The following CENPF variants were observed in gnomAD, a reference collection of about 807,000 sequenced individuals.
CENPF encodes the protein AH antigen.
Under a neutral mutation model 307.3 loss-of-function variants are expected in CENPF, and 214 were observed. The ratio of observed to expected loss-of-function variants is 0.70; its 90% CI spans 0.62 to 0.78. CENPF has a LOEUF of 0.78. Among genes scored for constraint, CENPF ranks in the 30% least tolerant of loss-of-function variants. The pLI is 0.00. For synonymous variants in CENPF, 1,259 were observed against 1,270.6 expected (o/e 0.99, Z 0.19); for missense variants, 3,401 against 3,483.9 (o/e 0.98, Z 0.60).
At chr1:214,603,524 GGTGTCT>G (rs1406855038) in intron 1 of CENPF, 20 of 152,244 alleles carry the variant, frequency 1.3e-4, no homozygotes, top group African/African-American at 4.6e-4. Flanking sequence ...GGTTCGTAGG[GGTGTCT>G]GCGCCCTTCT....
At chr1:214,607,957 G>A (rs1444197481) in intron 1 of CENPF, among the ~76,000 whole-genome samples, 4 of 152,164 alleles carry the variant, frequency 2.6e-5, no homozygotes, top group East Asian at 1.9e-4. Context: ...TGCCTCGGCC[G>A]ATGGGGCCCC....
chr1:214,620,137 C>G (rs1329901853), intron 5 of CENPF, among the ~76,000 whole-genome samples: 1 of 152,152 alleles, frequency 6.6e-6, no homozygotes, highest in Non-Finnish European at 1.5e-5. Context: ...ATAGAAAGAA[C>G]AATGCAAAGC....
intron 9 of CENPF, among the ~76,000 whole-genome samples, 155 bp from the exon 10 acceptor site, chr1:214,632,325 T>G (rs1657831039): frequency 6.6e-6 from 1 of 152,184 alleles, no homozygotes. Context: ...TTATGGTATT[T>G]TAAGACATAT....
chr1:214,630,694 T>A, intron 9 of CENPF, 32 bp downstream of exon 9: 1 of 1,611,814 alleles, frequency 6.2e-7, no homozygotes, highest in Non-Finnish European at 8.5e-7. Flanking sequence ...CTCTCCTTAA[T>A]CATCCCCTCT....
chr1:214,632,529 A>C lies in CENPF; in HGVS notation c.1373A>C (p.Gln458Pro), dbSNP rs754567683. The change falls in exon 10 of 20, where the codon CAA (glutamine) becomes CCA (proline). Residue 458 changes from glutamine (Q) to proline (P), a missense_variant. Physicochemically the swap from Gln to Pro is moderately conservative, Grantham distance 76. Transcript: ENST00000366955. ...GAAAACAATTTGGAAGAGTTTAAGC[A>C]AAAGTTGTGCAGAGCTGAACAGGCG... ...QLENNLEEFK[Q>P]KLCRAEQAFQ... 8.1e-6 allele frequency: 13 copies of C among 1,614,050 alleles called. No individual in the cohort carries two copies. The East Asian group carries it at 2.9e-4, about 36-fold the overall frequency.
rs1375984926 is a variant in CENPF at position 214,630,535 on chromosome 1, A to G, written c.1196A>G (p.Glu399Gly). The change falls in exon 9 of 20, where the codon GAG becomes GGG. Residue 399 changes from glutamate (E) to glycine (G), a missense_variant and splice_region_variant. Transcript: ENST00000366955. ...IKEKEKEFQE[E>G]LSRQQRSFQT... ...ATGCACCTGCCCTTTGTTTTTCAGGAGCTCTCCCGTCAACAGCGTTCTTTC... is the reference window on the plus strand; with the variant it reads ...ATGCACCTGCCCTTTGTTTTTCAGGGGCTCTCCCGTCAACAGCGTTCTTTC... 1.2e-6 allele frequency: 2 copies of G among 1,613,828 alleles called. No individual in the cohort carries two copies. The highest frequency in any genetic ancestry group is 2.7e-5 in the African/African-American group (2 of 74,876).
intron 7 of CENPF, among the ~76,000 whole-genome samples, chr1:214,627,241 G>A (rs1657679879): frequency 1.3e-5 from 2 of 151,886 alleles, no homozygotes; most frequent in Admixed American, 1.3e-4. Flanking sequence ...TGTATTTTTA[G>A]CAGAGACGAG....
intron 1 of CENPF, among the ~76,000 whole-genome samples, chr1:214,611,395 G>A (rs1002480459): frequency 3.3e-5 from 5 of 151,244 alleles, no homozygotes; most frequent in Non-Finnish European, 5.9e-5. Flanking sequence ...ATGGAGTTTC[G>A]CTCTTTGTTG....
chr1:214,651,926 G>T, intron 15 of CENPF, 40 bp downstream of exon 15: 2 of 1,497,928 alleles, frequency 1.3e-6, no homozygotes, highest in African/African-American at 1.5e-5. Context: ...GCTGGAGAGT[G>T]TATTTTGATC....
rs1202390033 is a variant in CENPF, at chr1:214,642,138, A to T, written c.3800A>T (p.Asp1267Val). Residue 1267 changes from aspartate (D) to valine (V), a missense_variant, in exon 12 of 20, where the codon GAT becomes GTT. By Grantham distance (152) the Asp-to-Val change is radical. Coordinates refer to ENST00000366955, the MANE Select transcript of CENPF (RefSeq NM_016343.4). ...EISGLKDCEI[D>V]AEEKYISGPH... ...AGTGGCCTTAAAGACTGTGAAATAGATGCGGAAGAAAAGTATATTTCAGGG... is the reference window on the plus strand; with the variant it reads ...AGTGGCCTTAAAGACTGTGAAATAGTTGCGGAAGAAAAGTATATTTCAGGG... 2 of 1,613,952 alleles carry T rather than the reference A, an allele frequency of 1.2e-6. No individual in the cohort carries two copies. Among genetic ancestry groups the T allele is most frequent in the South Asian group, 2.2e-5 (2 of 90,998 alleles).
In CENPF at chr1:214,647,292, CA is replaced by C; in HGVS notation, c.7727del (p.Asn2576MetfsTer8). 3.7e-6 allele frequency: 6 copies of C among 1,613,994 alleles called. No individual in the cohort carries two copies. Among genetic ancestry groups the C allele is most frequent in the Non-Finnish European group, 5.1e-6 (6 of 1,179,944 alleles). On this transcript the variant is annotated frameshift_variant, in exon 13 of 20. Transcript: ENST00000366955. LOFTEE classifies it high-confidence loss of function. ...AGCAGAAGATCCAAGTGCTACAATC[CA>C]AAAATGCCTCTTTGCAGGACACATT... ...LEQKIQVLQS[K>X]NASLQDTLEV...
Position 214,646,984 on chromosome 1 carries a change from A to G in CENPF, c.7414A>G (p.Ser2472Gly). The G allele has an allele frequency of 6.2e-7, 1 of 1,614,056 alleles. No individual in the cohort carries two copies. The highest frequency in any genetic ancestry group is 1.7e-4 in the Middle Eastern group (1 of 6,058). Residue 2472 changes from serine (S) to glycine (G), a missense_variant, in exon 13 of 20, where the codon AGT becomes GGT. Ser to Gly is a moderately conservative substitution (Grantham distance 56). Transcript: ENST00000366955. ...CTGTAAGGCCAAAGAGCAGAATCTT[A>G]GTAGTCAAGTAGAGTGTCTTGAACT... Reference protein sequence around the residue: ...EACKAKEQNLSSQVECLELEK... With the variant: ...EACKAKEQNLGSQVECLELEK...
rs762201810 is a variant in CENPF, at chr1:214,629,175, A to G, written c.1194+4A>G. 4.4e-6 allele frequency: 7 copies of G among 1,601,680 alleles called. No individual in the cohort carries two copies. The highest frequency in any genetic ancestry group is 6.0e-6 in the Non-Finnish European group (7 of 1,176,046). On this transcript the variant is annotated splice_donor_region_variant and intron_variant, in intron 8 of 19. Transcript: ENST00000366955. ...AAAAGAAAAGGAGTTTCAAGAGGTAAGGTAAATGGATTCATGAGGTGTTTG... is the reference window on the plus strand; with the variant it reads ...AAAAGAAAAGGAGTTTCAAGAGGTAGGGTAAATGGATTCATGAGGTGTTTG...
chr1:214,651,686 T>C, intron 14 of CENPF, 24 bp from the exon 15 acceptor site: 3 of 1,531,148 alleles, frequency 2.0e-6, no homozygotes, highest in Non-Finnish European at 2.6e-6. Flanking sequence ...GGTGCTATTA[T>C]GATTTTATTA....
At chr1:214,619,721 A>G (rs982505749) in intron 5 of CENPF, among the ~76,000 whole-genome samples, 4 of 152,200 alleles carry the variant, frequency 2.6e-5, no homozygotes, top group Non-Finnish European at 5.9e-5. Flanking sequence ...CAATTCAGCA[A>G]GCCATTTAAG....
chr1:214,642,093 A>G lies in CENPF; in HGVS notation c.3755A>G (p.Asp1252Gly). 1 of 1,612,024 alleles carries G rather than the reference A, an allele frequency of 6.2e-7. No individual in the cohort carries two copies. The highest frequency in any genetic ancestry group is 1.1e-5 in the South Asian group (1 of 90,554). ...GATCTTGAAACCAGCAATTTGCAAG[A>G]CATGCAGTCACAAGAAATTAGTGGC... ...RGDLETSNLQ[D>G]MQSQEISGLK... is the part of the protein sequence containing the mutation. Residue 1252 changes from aspartate (D) to glycine (G), a missense_variant, in exon 12 of 20, where the codon GAC becomes GGC. By Grantham distance (94) the Asp-to-Gly change is moderately conservative. Transcript: ENST00000366955.
rs1558172941 is a variant in CENPF at position 214,620,826 on chromosome 1, G to GAAC, written c.748_750dup (p.Gln250dup). ...TTTCTCTGCATCTTACTTTTCTGGGGAACAAGAGGTGACTCCAAGTCGATC... is the reference window on the plus strand; with the variant it reads ...TTTCTCTGCATCTTACTTTTCTGGGGAACAACAAGAGGTGACTCCAAGTCGATC... On this transcript the variant is annotated inframe_insertion, in exon 6 of 20. Transcript: ENST00000366955. 6.2e-7 allele frequency: 1 copy of GAAC among 1,614,114 alleles called. No homozygotes were observed. Among genetic ancestry groups the GAAC allele is most frequent in the Non-Finnish European group, 8.5e-7 (1 of 1,180,024 alleles).
At chr1:214,619,475 T>A (rs1482720466) in intron 5 of CENPF, among the ~76,000 whole-genome samples, 1 of 152,206 alleles carries the variant, frequency 6.6e-6, no homozygotes, top group East Asian at 1.9e-4. Context: ...CTTAATTATT[T>A]CCCTATTAAG....
At chr1:214,616,906 TTTCTTTCTTTCTTTCTTC>T (rs1657369355) in intron 3 of CENPF, among the ~76,000 whole-genome samples, 1 of 80,918 alleles carries the variant, frequency 1.2e-5, no homozygotes, top group Non-Finnish European at 2.6e-5. Context: ...TCTTTCTTTC[TTTCTTTCTTTCTTTCTTC>T]TTTCTTTCCA....
Sources: gnomAD v4.1 joint callset for allele counts (sites outside exome capture counted in the v4.1 genomes callset) on GRCh38, gnomAD v4.1.1 for gene constraint, MANE v1.5 for transcripts, NCBI Gene and HGNC (gene_info 2026-07-23, HGNC 2026-07-21) for gene names.